The following CPNE4 variants were observed in gnomAD, a reference collection of about 807,000 sequenced individuals.
CPNE4 encodes the protein copine 4.
CPNE4 carries 25 observed loss-of-function variants against 67.9 expected under a neutral mutation model. The observed-to-expected ratio is 0.37, with a 90% CI of 0.27 to 0.51. The LOEUF is 0.51. Ranked by LOEUF, CPNE4 falls within the 20% of genes least tolerant of loss-of-function variation. The pLI is 0.93. For synonymous variants in CPNE4, 242 were observed against 244.9 expected, an observed-to-expected ratio of 0.99 and a Z score of 0.11; for missense variants, 464 against 690.8, an observed-to-expected ratio of 0.67 and a Z score of 3.68.
chr3:131,976,203 G>A (rs913982232), intron 1 of CPNE4, among the ~76,000 whole-genome samples: 3 of 151,558 alleles, frequency 2.0e-5, no homozygotes, highest in Non-Finnish European at 2.9e-5. Flanking sequence ...TTGTATATGG[G>A]AAAGAAGGCT....
chr3:131,801,337 ATATATATATATATG>A (rs1483493156), intron 2 of CPNE4, among the ~76,000 whole-genome samples: 4 of 89,206 alleles, frequency 4.5e-5, no homozygotes, highest in Non-Finnish European at 8.7e-5. Context: ...GAAACCATAC[ATATATATATATATG>A]TACCATATAT....
chr3:131,966,879 A>G (rs11916362), intron 1 of CPNE4, among the ~76,000 whole-genome samples: 6,270 of 152,270 alleles, frequency 0.041, 380 homozygotes, highest in African/African-American at 0.14. Flanking sequence ...TCATTTTATG[A>G]GGCCAGCATC....
chr3:131,949,238 AAAATTAT>A, intron 1 of CPNE4, among the ~76,000 whole-genome samples: 1 of 152,348 alleles, frequency 6.6e-6, no homozygotes, highest in South Asian at 2.1e-4. Flanking sequence ...TAGTTATTTG[AAAATTAT>A]AAATCAAGAT....
At chr3:131,899,533 G>A (rs2088470636) in intron 2 of CPNE4, among the ~76,000 whole-genome samples, 1 of 152,030 alleles carries the variant, frequency 6.6e-6, no homozygotes, top group Non-Finnish European at 1.5e-5. Flanking sequence ...GAAATAACAT[G>A]GGCTTTGGAA....
At chr3:132,034,526 C>T in intron 1 of CPNE4, 41 bp downstream of exon 1, 1 of 949,428 alleles carries the variant, frequency 1.1e-6, no homozygotes, top group Non-Finnish European at 1.3e-6. Context: ...GCAATCACAG[C>T]GCCCCAGGAA....
chr3:131,742,299 T>A (rs770525923), intron 2 of CPNE4, among the ~76,000 whole-genome samples: 1 of 152,102 alleles, frequency 6.6e-6, no homozygotes, highest in Non-Finnish European at 1.5e-5. Context: ...GGGACACCGG[T>A]CTTCTCCTGG....
intron 7 of CPNE4, among the ~76,000 whole-genome samples, chr3:131,632,089 A>C (rs368965120): frequency 1.3e-5 from 2 of 150,812 alleles, no homozygotes; most frequent in East Asian, 4.1e-4. Context: ...GGCTCACTGC[A>C]GCCTCCGCCT....
At chr3:131,935,794 T>C (rs1403034450) in intron 1 of CPNE4, among the ~76,000 whole-genome samples, 2 of 151,966 alleles carry the variant, frequency 1.3e-5, no homozygotes, top group African/African-American at 2.4e-5. Flanking sequence ...GAAGACAAAA[T>C]ATTTGCAGAA....
chr3:131,776,442 G>C (rs535760997), intron 2 of CPNE4, among the ~76,000 whole-genome samples: 34 of 152,248 alleles, frequency 2.2e-4, no homozygotes, highest in African/African-American at 8.2e-4. Flanking sequence ...AGAAATCAGA[G>C]CATTCAGAGA....
intron 10 of CPNE4, among the ~76,000 whole-genome samples, chr3:131,565,219 A>T (rs1382028593): frequency 6.6e-6 from 1 of 152,034 alleles, no homozygotes; most frequent in Non-Finnish European, 1.5e-5. Flanking sequence ...AAATCTCTTT[A>T]AAAATGCCAC....
Position 131,580,472 on chromosome 3 carries a change from G to T in CPNE4, c.867+1107C>A, listed in dbSNP as rs144778250. 2.0e-3 allele frequency among the ~76,000 whole-genome samples: 286 copies of T among 144,372 alleles called. 3 individuals carry two copies. Among genetic ancestry groups the T allele is most frequent in the African/African-American group, 7.4e-3 (272 of 36,742 alleles). The allele number at this position is 144,372 out of a possible 152,430, so 94.7% of individuals were successfully genotyped here. ...CATATACATATACACATATATGTAT[G>T]CCTGTATACACACACACACGCACAC... is the stretch of plus-strand genomic sequence containing the variant. On this transcript the variant is annotated intron_variant, in intron 9 of 15. Coordinates refer to ENST00000429747, the MANE Select transcript of CPNE4 (RefSeq NM_130808.3).
chr3:132,032,283 C>A (rs2074252920), intron 1 of CPNE4, among the ~76,000 whole-genome samples: 1 of 152,170 alleles, frequency 6.6e-6, no homozygotes, highest in South Asian at 2.1e-4. Context: ...TATGCTGGGC[C>A]TGTGTCTGGG....
At chr3:132,028,370 T>C (rs553954909) in intron 1 of CPNE4, among the ~76,000 whole-genome samples, 8 of 152,346 alleles carry the variant, frequency 5.3e-5, no homozygotes, top group African/African-American at 1.9e-4. Flanking sequence ...AACAGCACAA[T>C]TTCAATGTTT....
intron 7 of CPNE4, among the ~76,000 whole-genome samples, chr3:131,660,780 G>A (rs1172910921): frequency 6.6e-6 from 1 of 152,124 alleles, no homozygotes; most frequent in Non-Finnish European, 1.5e-5. Context: ...CCAAAAATCT[G>A]TTTCCTTCTA....
chr3:131,611,347 A>G (rs1456891913), intron 7 of CPNE4, among the ~76,000 whole-genome samples: 2 of 152,184 alleles, frequency 1.3e-5, no homozygotes, highest in Non-Finnish European at 2.9e-5. Context: ...CAAGAGTAAT[A>G]TGTAATTAAC....
In CPNE4 at chr3:131,914,301, ACT is replaced by A. The variant is rs533994060; in HGVS notation, c.-1-8859_-1-8858del. On this transcript the variant is annotated intron_variant, in intron 1 of 15. Coordinates refer to ENST00000429747, the MANE Select transcript of CPNE4 (RefSeq NM_130808.3). The stretch of plus-strand genomic sequence containing the variant: ...CCTTATAGGTTAGCTGCTTAACAAG[ACT>A]CTCAAAAAAGTGACAGGTGGGGATT... Among the ~76,000 whole-genome samples, 37 of 152,210 alleles carry A rather than the reference ACT, an allele frequency of 2.4e-4. 1 individual carries two copies. In the South Asian group the frequency reaches 7.5e-3, roughly 31 times the overall value.
At chr3:131,676,951 A>C (rs2080590257) in intron 6 of CPNE4, among the ~76,000 whole-genome samples, 1 of 152,146 alleles carries the variant, frequency 6.6e-6, no homozygotes, top group Admixed American at 6.5e-5. Context: ...TTGAGGAATC[A>C]CCACACTGTC....
intron 2 of CPNE4, among the ~76,000 whole-genome samples, chr3:131,848,566 G>A (rs550667345): frequency 6.6e-6 from 1 of 151,894 alleles, no homozygotes; most frequent in African/African-American, 2.4e-5. Context: ...GAGTTTGCCA[G>A]GGAGGCTTCT....
chr3:131,581,131 C>T (rs1937807880), intron 9 of CPNE4, among the ~76,000 whole-genome samples: 1 of 152,206 alleles, frequency 6.6e-6, no homozygotes, highest in African/African-American at 2.4e-5. Context: ...CGATATCGCA[C>T]CACTGCACTC....
Sources: allele counts gnomAD v4.1 joint callset (sites outside exome capture counted in the v4.1 genomes callset), GRCh38; gene constraint gnomAD v4.1.1; transcripts MANE v1.5; gene names NCBI Gene and HGNC (gene_info 2026-07-23, HGNC 2026-07-21).